The following ADAMTS13 variants were observed in gnomAD, a reference collection of about 807,000 sequenced individuals.
ADAMTS13 encodes the protein ADAM metallopeptidase with thrombospondin type 1 motif 13, also known as A disintegrin and metalloproteinase with thrombospondin motifs 13.
A neutral mutation model predicts 155.1 loss-of-function variants in ADAMTS13; 110 were observed. The ratio of observed to expected loss-of-function variants is 0.71; its 90% CI spans 0.61 to 0.83. The LOEUF (loss-of-function observed/expected upper bound fraction) is 0.83. Ranked by LOEUF, ADAMTS13 falls within the 40% of genes least tolerant of loss-of-function variation. The pLI is 0.00. For synonymous variants in ADAMTS13, 758 were observed against 756.4 expected (o/e 1.00, Z -0.03); for missense variants, 1,707 against 1,891.7 (o/e 0.90, Z 1.81).
intron 23 of ADAMTS13, among the ~76,000 whole-genome samples, chr9:133,453,932 A>G (rs1842592310): frequency 6.6e-6 from 1 of 152,078 alleles, no homozygotes; most frequent in South Asian, 2.1e-4. Context: ...GCTCCCTTGC[A>G]GGCTGCCTGG....
intron 13 of ADAMTS13, 38 bp downstream of exon 13, chr9:133,437,935 T>C: frequency 6.2e-7 from 1 of 1,612,084 alleles, no homozygotes; most frequent in East Asian, 2.2e-5. Context: ...CCCTGGGGCC[T>C]ACCTGTCCTA....
In ADAMTS13 at chr9:133,428,706, C is replaced by T; in HGVS notation, c.759C>T (p.Gly253=). The change falls in exon 7 of 29, where the codon GGC becomes GGT. Residue 253 remains glycine (G), a synonymous_variant. Transcript: ENST00000355699. ...GPSGHVMASD[G]AAPRAGLAWS... is the part of the protein sequence containing the mutation. ...GCGGACACGTGATGGCTTCGGACGG[C>T]GCCGCGCCCCGCGCCGGCCTCGCCT... The T allele has an allele frequency of 7.4e-7, 1 of 1,354,180 alleles. No homozygotes were observed. Among genetic ancestry groups the T allele is most frequent in the African/African-American group, 1.5e-5 (1 of 65,824 alleles). The allele number at this position is 1,354,180 out of a possible 1,614,324, so 83.9% of individuals were successfully genotyped here.
At chr9:133,450,705 C>T (rs905395923) in intron 23 of ADAMTS13, among the ~76,000 whole-genome samples, 1 of 152,134 alleles carries the variant, frequency 6.6e-6, no homozygotes, top group Admixed American at 6.5e-5. Context: ...GCCGAGATGG[C>T]GCCGCTGGCA....
At chr9:133,415,548 C>CT (rs886335269) in intron 1 of ADAMTS13, 3 of 154,158 alleles carry the variant, frequency 1.9e-5, no homozygotes, top group Admixed American at 1.9e-4. Context: ...CACACCTTGG[C>CT]TGTCACCCAA....
chr9:133,431,172 C>T (rs903846543), intron 8 of ADAMTS13, among the ~76,000 whole-genome samples: 1 of 151,350 alleles, frequency 6.6e-6, no homozygotes, highest in Non-Finnish European at 1.5e-5. Context: ...CCTTTGTTAC[C>T]CAGGCTTGTC....
At chr9:133,438,897 T>A (rs1698724090) in intron 14 of ADAMTS13, among the ~76,000 whole-genome samples, 3 of 122,920 alleles carry the variant, frequency 2.4e-5, no homozygotes, top group Non-Finnish European at 3.3e-5. Flanking sequence ...GGCAACAGAG[T>A]GAGACACTGT....
At position 133,440,367 on chromosome 9, in the gene ADAMTS13, G is replaced by A. The variant is rs34256013; in HGVS notation, c.1810G>A (p.Val604Ile). ...HLAVRIGGRY[V>I]VAGKMSISPN... ...AGCGGTGAGGATCGGAGGGCGCTAT[G>A]TCGTGGCTGGGAAGATGAGCATCTC... The change falls in exon 16 of 29, where the codon GTC (valine) becomes ATC (isoleucine). Residue 604 changes from valine to isoleucine, a missense_variant. Around this residue, in one of 3 missense-constraint regions of ADAMTS13, gnomAD observed 961 missense variants for 1,107.9 expected, o/e 0.87. Transcript: ENST00000355699. This position sits in a 1 kb window ranked among gnomAD's most constrained non-coding sequence, Gnocchi z 4.3. 8.1e-5 allele frequency: 131 copies of A among 1,614,044 alleles called. No individual in the cohort carries two copies. The African/African-American group carries it at 1.1e-3, about 13-fold the overall frequency.
chr9:133,427,050 G>A (rs991442131), intron 6 of ADAMTS13, among the ~76,000 whole-genome samples: 7 of 152,206 alleles, frequency 4.6e-5, no homozygotes, highest in African/African-American at 1.7e-4. Context: ...TGATCCACCT[G>A]CCTCGGTCTC....
In ADAMTS13 at chr9:133,445,774, G is replaced by T. The variant is rs147732725; in HGVS notation, c.2686G>T (p.Val896Leu). ...CAGGACGGGGGCTCAAGCTGCACAC[G>T]TGTGGACCCCTGCGGCAGGGTCGTG... ...SIRTGAQAAH[V>L]WTPAAGSCSV... The change falls in exon 21 of 29, where the codon GTG becomes TTG. Residue 896 changes from valine (V) to leucine (L), a missense_variant. By Grantham distance (32) the Val-to-Leu change is conservative. Coordinates refer to ENST00000355699, the MANE Select transcript of ADAMTS13 (RefSeq NM_139027.6). This position sits in a 1 kb window ranked among gnomAD's most constrained non-coding sequence, Gnocchi z 5.0. 3.1e-6 allele frequency: 5 copies of T among 1,602,606 alleles called. No individual in the cohort carries two copies. The highest frequency in any genetic ancestry group is 4.3e-6 in the Non-Finnish European group (5 of 1,171,620).
Position 133,445,194 on chromosome 9 carries a change from C to T in ADAMTS13, c.2610+142C>T. ...TGGGAATGCTGTCTGAGGGCCACCC[C>T]TGCTCAGAAAAGAAGCTTAGAAAGA... On this transcript the variant is annotated intron_variant, in intron 20 of 28. Transcript: ENST00000355699. The surrounding 1 kb of genome is among the most constrained non-coding windows in gnomAD (Gnocchi z 5.0). The T allele has an allele frequency of 9.9e-7, 1 of 1,008,302 alleles. No homozygotes were observed. Among genetic ancestry groups the T allele is most frequent in the Non-Finnish European group, 1.4e-6 (1 of 690,088 alleles). The allele number at this position is 1,008,302 out of a possible 1,614,324, so 62.5% of individuals were successfully genotyped here.
intron 8 of ADAMTS13, among the ~76,000 whole-genome samples, chr9:133,430,882 G>T (rs1840707853): frequency 6.6e-6 from 1 of 151,952 alleles, no homozygotes; most frequent in Non-Finnish European, 1.5e-5. Flanking sequence ...GGATGGTCTC[G>T]ATCTCCTGAC....
chr9:133,445,754 C>T lies in ADAMTS13; in HGVS notation c.2666C>T (p.Thr889Met), dbSNP rs377519637. ...CCCTCCCCATGGGGCAGCATCAGGA[C>T]GGGGGCTCAAGCTGCACACGTGTGG... ...KAPSPWGSIR[T>M]GAQAAHVWTP... is the part of the protein sequence containing the mutation. The change falls in exon 21 of 29, where the codon ACG becomes ATG. Residue 889 changes from threonine to methionine, a missense_variant. This residue lies in a region of ADAMTS13 where 961 missense variants were observed against 1,107.9 expected (regional missense o/e 0.87). Coordinates refer to ENST00000355699, the MANE Select transcript of ADAMTS13 (RefSeq NM_139027.6). This position sits in a 1 kb window ranked among gnomAD's most constrained non-coding sequence, Gnocchi z 5.0. 30 of 1,610,458 alleles carry T rather than the reference C, an allele frequency of 1.9e-5. 1 individual carries two copies. Among genetic ancestry groups the T allele is most frequent in the South Asian group, 6.6e-5 (6 of 90,868 alleles).
Position 133,428,723 on chromosome 9 carries a change from G to A in ADAMTS13, c.776G>A (p.Gly259Asp). Reference sequence around the variant, plus strand: ...TCGGACGGCGCCGCGCCCCGCGCCGGCCTCGCCTGGTCCCCCTGCAGCCGC... The same window carrying A: ...TCGGACGGCGCCGCGCCCCGCGCCGACCTCGCCTGGTCCCCCTGCAGCCGC... The part of the protein sequence containing the change: ...MASDGAAPRA[G>D]LAWSPCSRRQ... Residue 259 changes from glycine to aspartate, a missense_variant, in exon 7 of 29, where the codon GGC (glycine) becomes GAC (aspartate). Around this residue, in one of 3 missense-constraint regions of ADAMTS13, gnomAD observed 733 missense variants for 749.6 expected, o/e 0.98. Transcript: ENST00000355699. The A allele has an allele frequency of 7.4e-7, 1 of 1,354,976 alleles. No homozygotes were observed. 83.9% of individuals were successfully genotyped at this position (1,354,976 alleles called of 1,614,324 possible).
chr9:133,446,852 T>C (rs1048993046), intron 21 of ADAMTS13, among the ~76,000 whole-genome samples: 1 of 152,176 alleles, frequency 6.6e-6, no homozygotes, highest in Non-Finnish European at 1.5e-5. Flanking sequence ...TTCTATGGTT[T>C]TTTTTGTTTT....
Position 133,456,857 on chromosome 9 carries a change from G to A in ADAMTS13, c.3724+138G>A. Reference sequence around the variant, plus strand: ...GGAACTGACTGAGATGGAAGGAACTGGGGTTGGCCAGTGTCAGTCTGCACG... The same window carrying A: ...GGAACTGACTGAGATGGAAGGAACTAGGGTTGGCCAGTGTCAGTCTGCACG... On this transcript the variant is annotated intron_variant, in intron 27 of 28. Coordinates refer to ENST00000355699, the MANE Select transcript of ADAMTS13 (RefSeq NM_139027.6). This position sits in a 1 kb window ranked among gnomAD's most constrained non-coding sequence, Gnocchi z 4.4. The A allele has an allele frequency of 2.5e-6, 3 of 1,180,044 alleles. No individual in the cohort carries two copies. The highest frequency in any genetic ancestry group is 3.7e-6 in the Non-Finnish European group (3 of 821,248). The allele number at this position is 1,180,044 out of a possible 1,614,324, so 73.1% of individuals were successfully genotyped here.
chr9:133,426,113 C>T (rs1554785187), intron 5 of ADAMTS13, 51 bp downstream of exon 5: 1 of 1,613,876 alleles, frequency 6.2e-7, no homozygotes, highest in Non-Finnish European at 8.5e-7. Context: ...GAAGGCTGCT[C>T]CCTCAGCCTC....
intron 23 of ADAMTS13, among the ~76,000 whole-genome samples, chr9:133,451,659 GAT>G (rs1187219817): frequency 2.6e-5 from 4 of 152,184 alleles, no homozygotes; most frequent in African/African-American, 9.7e-5. Flanking sequence ...AGGAGGCTGA[GAT>G]GGGTGGATCA....
At chr9:133,438,490 C>T (rs1554789782) in intron 14 of ADAMTS13, 124 bp downstream of exon 14, 1 of 1,434,674 alleles carries the variant, frequency 7.0e-7, no homozygotes, top group Non-Finnish European at 9.4e-7. Context: ...GCCCTGGATG[C>T]CTCCTGTGGT....
At chr9:133,432,834 G>A in intron 9 of ADAMTS13, 142 bp downstream of exon 9, 1 of 850,830 alleles carries the variant, frequency 1.2e-6, no homozygotes, top group Admixed American at 2.0e-5. Context: ...ACTGTCCTTT[G>A]GGTTGGTGGT....
Sources: allele counts gnomAD v4.1 joint callset (sites outside exome capture counted in the v4.1 genomes callset), GRCh38; gene constraint gnomAD v4.1.1; regional missense constraint gnomAD v4.1.1; non-coding constraint Gnocchi (gnomAD v3.1); transcripts MANE v1.5; gene names NCBI Gene and HGNC (gene_info 2026-07-23, HGNC 2026-07-21).